DIP2B: variants seen among roughly 807,000 people sequenced by gnomAD.
DIP2B encodes the protein DIP2 acetate--CoA ligase B (putative).
A neutral mutation model predicts 198.0 loss-of-function variants in DIP2B; 76 were observed. That is an observed-to-expected ratio of 0.38 (90% CI 0.32 to 0.46). DIP2B has a LOEUF of 0.46. Ranked by LOEUF, DIP2B falls within the 20% of genes least tolerant of loss-of-function variation. The pLI is 0.99. For synonymous variants in DIP2B, 701 were observed against 739.1 expected, an observed-to-expected ratio of 0.95 and a Z score of 0.84; for missense variants, 1,559 against 1,978.4, an observed-to-expected ratio of 0.79 and a Z score of 4.02.
rs187120278 is a variant in DIP2B, at chr12:50,520,379, G to A, written c.100+15139G>A. Among the ~76,000 whole-genome samples, 105 of 152,254 alleles carry A rather than the reference G, an allele frequency of 6.9e-4. 1 individual carries two copies. The highest frequency in any genetic ancestry group is 3.8e-3 in the Admixed American group (58 of 15,298). On this transcript the variant is annotated intron_variant, in intron 1 of 37. Coordinates refer to ENST00000301180, the MANE Select transcript of DIP2B (RefSeq NM_173602.3). ...AAATCAACCCAGCAAGGAATTGTTAGGTAGAAGCTTCTGATAGTTCTTGTT... is the reference window on the plus strand; with the variant it reads ...AAATCAACCCAGCAAGGAATTGTTAAGTAGAAGCTTCTGATAGTTCTTGTT...
chr12:50,635,396 A>G (rs1281570824), intron 2 of DIP2B, among the ~76,000 whole-genome samples: 1 of 152,152 alleles, frequency 6.6e-6, no homozygotes, highest in Non-Finnish European at 1.5e-5. Flanking sequence ...TAATAAGTTT[A>G]TGAAGATAGT....
chr12:50,649,931 G>A (rs549575391), intron 3 of DIP2B, among the ~76,000 whole-genome samples: 1 of 151,946 alleles, frequency 6.6e-6, no homozygotes, highest in Non-Finnish European at 1.5e-5. Context: ...AAACGAGCCC[G>A]TGCACTGTGG....
At chr12:50,693,269 A>G (rs957468263) in intron 14 of DIP2B, among the ~76,000 whole-genome samples, 1 of 152,230 alleles carries the variant, frequency 6.6e-6, no homozygotes, top group Non-Finnish European at 1.5e-5. Flanking sequence ...AACAGGTAGC[A>G]TACTATGGGT....
chr12:50,508,724 T>G (rs1048406748), intron 1 of DIP2B, among the ~76,000 whole-genome samples: 4 of 151,778 alleles, frequency 2.6e-5, no homozygotes, highest in African/African-American at 9.7e-5. Flanking sequence ...TTTTTTTTTT[T>G]GCGATGGAGT....
chr12:50,574,164 A>C (rs914279825), intron 1 of DIP2B, among the ~76,000 whole-genome samples: 1 of 152,216 alleles, frequency 6.6e-6, no homozygotes, highest in Non-Finnish European at 1.5e-5. Context: ...CAGGAAACTA[A>C]TGTAACCTTT....
intron 1 of DIP2B, among the ~76,000 whole-genome samples, chr12:50,608,071 G>A (rs1958999447): frequency 6.6e-6 from 1 of 152,138 alleles, no homozygotes; most frequent in Non-Finnish European, 1.5e-5. Flanking sequence ...GGGATTACAG[G>A]TGTGAGCCAC....
intron 4 of DIP2B, among the ~76,000 whole-genome samples, chr12:50,669,700 C>T (rs1938816325): frequency 6.6e-6 from 1 of 152,198 alleles, no homozygotes; most frequent in Admixed American, 6.5e-5. Flanking sequence ...ACTGGGATTA[C>T]AGGCCTGAGC....
chr12:50,683,245 A>AAAGGTAAC lies in DIP2B; in HGVS notation c.1316_1317+6dup. 2 of 1,608,106 alleles carry AAAGGTAAC rather than the reference A, an allele frequency of 1.2e-6. No individual in the cohort carries two copies. The highest frequency in any genetic ancestry group is 8.5e-7 in the Non-Finnish European group (1 of 1,177,808). On this transcript the variant is annotated frameshift_variant, in exon 10 of 38. Coordinates refer to ENST00000301180, the MANE Select transcript of DIP2B (RefSeq NM_173602.3). LOFTEE classifies it high-confidence loss of function. ...TGCCTATAGAGGTACCTCTTACCAG[A>AAAGGTAAC]AAGGTAACATTGCTAAATTTAAGAG...
At chr12:50,627,686 G>A (rs1003069721) in intron 2 of DIP2B, among the ~76,000 whole-genome samples, 2 of 152,208 alleles carry the variant, frequency 1.3e-5, no homozygotes, top group Non-Finnish European at 2.9e-5. Context: ...GCCTATAATG[G>A]GAACCAAATC....
At chr12:50,506,465 C>A (rs1023178035) in intron 1 of DIP2B, among the ~76,000 whole-genome samples, 1 of 152,192 alleles carries the variant, frequency 6.6e-6, no homozygotes, top group Non-Finnish European at 1.5e-5. Flanking sequence ...TGTTATAAAT[C>A]CTGTTGGGCA....
intron 22 of DIP2B, among the ~76,000 whole-genome samples, chr12:50,709,460 G>A (rs536206646): frequency 1.7e-4 from 26 of 151,516 alleles, no homozygotes; most frequent in South Asian, 1.2e-3. Flanking sequence ...GTGAAACCCC[G>A]TCTCTACTAA....
Position 50,698,487 on chromosome 12 carries a change from A to G in DIP2B, c.2188+20A>G, listed in dbSNP as rs767107681. On this transcript the variant is annotated intron_variant, in intron 18 of 37. Coordinates refer to ENST00000301180, the MANE Select transcript of DIP2B (RefSeq NM_173602.3). The stretch of plus-strand genomic sequence containing the variant: ...CTGGTGGTGAGTCGCAAGGAGCATC[A>G]TTTGGTTTTTCATAAAGATTTGTCA... The G allele has an allele frequency of 1.9e-6, 3 of 1,595,868 alleles. No homozygotes were observed. The highest frequency in any genetic ancestry group is 2.6e-6 in the Non-Finnish European group (3 of 1,171,396).
At chr12:50,618,954 A>G (rs1037507826) in intron 1 of DIP2B, among the ~76,000 whole-genome samples, 1 of 152,170 alleles carries the variant, frequency 6.6e-6, no homozygotes, top group African/African-American at 2.4e-5. Flanking sequence ...AGGCAAAGAT[A>G]CTATTTTATT....
intron 36 of DIP2B, among the ~76,000 whole-genome samples, chr12:50,740,866 C>T (rs1220113704): frequency 2.0e-5 from 3 of 152,168 alleles, no homozygotes; most frequent in Admixed American, 2.0e-4. Flanking sequence ...TCTGTCCCTC[C>T]CCTCTGGCTC....
intron 1 of DIP2B, among the ~76,000 whole-genome samples, chr12:50,576,932 C>T (rs532354746): frequency 2.0e-5 from 3 of 152,044 alleles, no homozygotes; most frequent in African/African-American, 4.8e-5. Flanking sequence ...GGCACAATCT[C>T]GGCTCAGTGT....
intron 1 of DIP2B, among the ~76,000 whole-genome samples, chr12:50,515,626 G>C (rs1476353761): frequency 6.6e-6 from 1 of 151,996 alleles, no homozygotes; most frequent in Non-Finnish European, 1.5e-5. Context: ...CTCTCTCTGG[G>C]GTTTCTTCTA....
At chr12:50,556,558 C>CT (rs11390796) in intron 1 of DIP2B, among the ~76,000 whole-genome samples, 126,363 of 146,264 alleles carry the variant, frequency 0.86, 55,585 homozygotes, top group Non-Finnish European at 0.97. Flanking sequence ...TATTGTGAGA[C>CT]TTTTTTTTTT....
intron 1 of DIP2B, among the ~76,000 whole-genome samples, chr12:50,596,824 T>C (rs192638787): frequency 6.6e-6 from 1 of 152,322 alleles, no homozygotes; most frequent in East Asian, 1.9e-4. Flanking sequence ...TTTAGATAAA[T>C]CTTATTTACG....
chr12:50,645,991 A>T (rs1456153408), intron 3 of DIP2B, among the ~76,000 whole-genome samples: 2 of 151,988 alleles, frequency 1.3e-5, no homozygotes, highest in African/African-American at 2.4e-5. Context: ...CTTTAGCTTT[A>T]TATATGTTTA....
Sources: gnomAD v4.1 joint callset for allele counts (sites outside exome capture counted in the v4.1 genomes callset) on GRCh38, gnomAD v4.1.1 for gene constraint, MANE v1.5 for transcripts, NCBI Gene and HGNC (gene_info 2026-07-23, HGNC 2026-07-21) for gene names.